NRXN3: variants seen among roughly 807,000 people sequenced by gnomAD.
NRXN3 encodes the protein neurexin 3, also known as neurexin III.
In NRXN3, 32 loss-of-function variants were observed where a neutral mutation model predicts 137.6. The ratio of observed to expected loss-of-function variants is 0.23; its 90% confidence interval spans 0.18 to 0.31. The LOEUF is 0.31. NRXN3 is among the 10% of genes least tolerant of loss of function. The probability of loss-of-function intolerance (pLI) is 1.00; values close to 1 mark genes in which losing one functional copy is unlikely to be tolerated. For missense variants in NRXN3, 1,574 were observed against 2,062.5 expected (o/e 0.76, Z 4.59); for synonymous variants, 798 against 784.5 (o/e 1.02, Z -0.29).
intron 4 of NRXN3, among the ~76,000 whole-genome samples, chr14:78,384,227 T>G (rs1170687849): frequency 1.3e-5 from 2 of 152,112 alleles, no homozygotes; most frequent in Non-Finnish European, 2.9e-5. Flanking sequence ...TTCTCTAGAT[T>G]TAGAATTAGG....
chr14:79,602,795 T>C (rs1354765347), intron 16 of NRXN3, among the ~76,000 whole-genome samples: 4 of 152,224 alleles, frequency 2.6e-5, no homozygotes. Context: ...AATCTTATCT[T>C]TTTGGCATCA....
intron 15 of NRXN3, among the ~76,000 whole-genome samples, chr14:79,068,284 C>T (rs1456553279): frequency 1.3e-5 from 2 of 151,916 alleles, no homozygotes; most frequent in African/African-American, 2.4e-5. Flanking sequence ...AACTTTAAAC[C>T]TGTTGGACAA....
chr14:78,241,826 C>A lies in NRXN3; in HGVS notation c.-703-565C>A, dbSNP rs144315950. On this transcript the variant is annotated intron_variant, in intron 1 of 20. Transcript: ENST00000335750. ...TTTTTTTTAGAAGGAATAAAATAAT[C>A]CTCCTCTCTTAATATTCAGTAAGAG... 1.1e-3 allele frequency among the ~76,000 whole-genome samples: 174 copies of A among 151,894 alleles called. 1 individual carries two copies. Among genetic ancestry groups the A allele is most frequent in the African/African-American group, 4.0e-3 (165 of 41,422 alleles).
intron 3 of NRXN3, among the ~76,000 whole-genome samples, chr14:78,295,067 G>C (rs937587461): frequency 6.6e-6 from 1 of 152,102 alleles, no homozygotes; most frequent in African/African-American, 2.4e-5. Context: ...AATAGACCTG[G>C]GCATGATGGA....
At chr14:79,381,658 A>G (rs936205548) in intron 15 of NRXN3, among the ~76,000 whole-genome samples, 1 of 152,204 alleles carries the variant, frequency 6.6e-6, no homozygotes, top group African/African-American at 2.4e-5. Context: ...TTAAGTGCTC[A>G]AAGGTTTTTG....
chr14:79,790,643 CAG>C (rs1264568567), intron 19 of NRXN3, among the ~76,000 whole-genome samples: 4 of 107,004 alleles, frequency 3.7e-5, no homozygotes, highest in East Asian at 5.8e-4. Flanking sequence ...TTTTTTGAGA[CAG>C]AGTCTCGCTC....
chr14:79,416,096 A>G (rs922700819), intron 15 of NRXN3, among the ~76,000 whole-genome samples: 6 of 152,094 alleles, frequency 3.9e-5, no homozygotes, highest in African/African-American at 1.4e-4. Context: ...CTGAAGCGAA[A>G]CCAAATGTCT....
chr14:78,820,260 TG>T (rs896606575), intron 10 of NRXN3, among the ~76,000 whole-genome samples: 20 of 148,772 alleles, frequency 1.3e-4, no homozygotes, highest in Non-Finnish European at 2.4e-4. Context: ...ATATATAAAT[TG>T]CAGTTGTTTT....
intron 15 of NRXN3, among the ~76,000 whole-genome samples, chr14:79,162,327 G>A (rs965018109): frequency 7.1e-6 from 1 of 139,982 alleles, no homozygotes; most frequent in African/African-American, 2.7e-5. Context: ...AGAGTGTGAT[G>A]TTCCCCTTCC....
chr14:78,970,204 C>T (rs546929146), intron 14 of NRXN3, among the ~76,000 whole-genome samples: 2 of 152,218 alleles, frequency 1.3e-5, no homozygotes, highest in East Asian at 3.9e-4. Flanking sequence ...CAGGAATCAT[C>T]CATTAACTCT....
At chr14:79,565,251 A>C (rs1392816204) in intron 16 of NRXN3, among the ~76,000 whole-genome samples, 1 of 30,832 alleles carries the variant, frequency 3.2e-5, no homozygotes. Flanking sequence ...GTGTGTGTAT[A>C]TATACATATA....
At chr14:78,942,886 C>T (rs1246243544) in intron 10 of NRXN3, among the ~76,000 whole-genome samples, 1 of 151,450 alleles carries the variant, frequency 6.6e-6, no homozygotes, top group Non-Finnish European at 1.5e-5. Context: ...TAAAAATGTA[C>T]AATTATTTTT....
intron 10 of NRXN3, among the ~76,000 whole-genome samples, chr14:78,841,081 A>G (rs2099011008): frequency 6.6e-6 from 1 of 152,124 alleles, no homozygotes; most frequent in Non-Finnish European, 1.5e-5. Flanking sequence ...GCTACAATTA[A>G]AACCCACTTA....
intron 10 of NRXN3, among the ~76,000 whole-genome samples, chr14:78,820,318 G>A (rs1176638572): frequency 7.0e-6 from 1 of 143,680 alleles, no homozygotes; most frequent in Non-Finnish European, 1.5e-5. Context: ...GGAGTTTCCA[G>A]AATAATTAGC....
At chr14:79,124,354 T>A (rs1384692858) in intron 15 of NRXN3, among the ~76,000 whole-genome samples, 1 of 152,222 alleles carries the variant, frequency 6.6e-6, no homozygotes, top group Non-Finnish European at 1.5e-5. Context: ...GACAATATGT[T>A]GCCCTGCTAA....
intron 15 of NRXN3, among the ~76,000 whole-genome samples, chr14:79,399,361 A>AT (rs1455214231): frequency 5.9e-5 from 9 of 152,290 alleles, no homozygotes; most frequent in Admixed American, 5.9e-4. Context: ...ATCTTTTTCC[A>AT]AGGTGTGCTT....
chr14:78,770,083 A>G (rs1018768242), intron 8 of NRXN3, among the ~76,000 whole-genome samples: 1 of 152,162 alleles, frequency 6.6e-6, no homozygotes, highest in Non-Finnish European at 1.5e-5. Context: ...AGATTTAGTG[A>G]CAACATTTAT....
At chr14:78,417,616 A>C (rs1250022993) in intron 4 of NRXN3, among the ~76,000 whole-genome samples, 1 of 152,228 alleles carries the variant, frequency 6.6e-6, no homozygotes, top group Admixed American at 6.5e-5. Flanking sequence ...GGCCCAGAGG[A>C]GATGCTCAAT....
intron 7 of NRXN3, among the ~76,000 whole-genome samples, chr14:78,713,653 A>C: frequency 6.6e-6 from 1 of 152,334 alleles, no homozygotes; most frequent in East Asian, 1.9e-4. Context: ...TTGACTCACT[A>C]TTCAGCATGG....
Sources: allele counts gnomAD v4.1 joint callset (sites outside exome capture counted in the v4.1 genomes callset), GRCh38; gene constraint gnomAD v4.1.1; transcripts MANE v1.5; gene names NCBI Gene and HGNC (gene_info 2026-07-23, HGNC 2026-07-21).